The following CUL5 variants were observed in gnomAD, a reference collection of about 807,000 sequenced individuals.
The protein encoded by CUL5 is cullin 5, also known as cullin-5.
A neutral mutation model predicts 108.8 loss-of-function variants in CUL5; 26 were observed. The ratio of observed to expected loss-of-function variants is 0.24; its 90% CI spans 0.18 to 0.33. CUL5 has a LOEUF of 0.33. Ranked by LOEUF, CUL5 falls within the 10% of genes least tolerant of loss-of-function variation. The pLI, the probability that CUL5 is intolerant of heterozygous loss-of-function variation, is 1.00. For synonymous variants in CUL5, 334 were observed against 298.0 expected (o/e 1.12, Z -1.25); for missense variants, 524 against 909.2 (o/e 0.58, Z 5.45).
chr11:108,064,075 G>A (rs1863615537), intron 7 of CUL5, among the ~76,000 whole-genome samples: 1 of 152,130 alleles, frequency 6.6e-6, no homozygotes, highest in Admixed American at 6.5e-5. Flanking sequence ...GAATAAAAGT[G>A]GTGACAGTGG....
intron 10 of CUL5, among the ~76,000 whole-genome samples, chr11:108,074,302 C>G (rs1270257143): frequency 2.7e-5 from 4 of 147,800 alleles, no homozygotes; most frequent in Admixed American, 6.9e-5. Context: ...TCAAGCGATT[C>G]TCCTGCCTCA....
At chr11:108,102,642 CTA>C (rs1864701545) in intron 18 of CUL5, among the ~76,000 whole-genome samples, 1 of 152,080 alleles carries the variant, frequency 6.6e-6, no homozygotes, top group Admixed American at 6.6e-5. Flanking sequence ...GTTATCATAT[CTA>C]TATAGGGGAA....
At chr11:108,055,766 G>T (rs1863361255) in intron 7 of CUL5, among the ~76,000 whole-genome samples, 2 of 152,076 alleles carry the variant, frequency 1.3e-5, no homozygotes, top group African/African-American at 4.8e-5. Flanking sequence ...AAGTAGCTGG[G>T]ACTACAAGCG....
At chr11:108,074,614 G>C (rs1863903261) in intron 10 of CUL5, among the ~76,000 whole-genome samples, 1 of 151,954 alleles carries the variant, frequency 6.6e-6, no homozygotes, top group African/African-American at 2.4e-5. Flanking sequence ...AGATCAGCCT[G>C]ATCAACATGG....
intron 1 of CUL5, among the ~76,000 whole-genome samples, chr11:108,019,148 A>G (rs537785983): frequency 1.9e-3 from 226 of 119,732 alleles, no homozygotes; most frequent in Non-Finnish European, 2.8e-3. Context: ...ATGCTATGCC[A>G]TTTTCTATCA....
intron 11 of CUL5, among the ~76,000 whole-genome samples, chr11:108,080,978 T>G (rs1223116392): frequency 2.7e-5 from 4 of 149,112 alleles, no homozygotes; most frequent in Non-Finnish European, 6.0e-5. Context: ...ATTTATTTAT[T>G]TATTTATTTA....
chr11:108,090,141 C>T (rs1184009187), intron 13 of CUL5, among the ~76,000 whole-genome samples: 1 of 152,058 alleles, frequency 6.6e-6, no homozygotes, highest in Non-Finnish European at 1.5e-5. Flanking sequence ...GTTGTTTCTA[C>T]TGTTTCACTC....
chr11:108,023,418 G>C (rs1452733431), intron 1 of CUL5, among the ~76,000 whole-genome samples: 3 of 151,984 alleles, frequency 2.0e-5, no homozygotes, highest in African/African-American at 4.8e-5. Context: ...GAGTAGTTCA[G>C]ATTTCTACTT....
intron 7 of CUL5, among the ~76,000 whole-genome samples, chr11:108,069,893 A>G (rs184770948): frequency 4.6e-4 from 70 of 152,298 alleles, no homozygotes; most frequent in African/African-American, 1.6e-3. Context: ...GTCTAGTTCT[A>G]TAGTTTTTTT....
intron 7 of CUL5, 140 bp from the exon 8 acceptor site, chr11:108,069,956 A>G (rs972749267): frequency 6.0e-6 from 3 of 496,312 alleles, no homozygotes; most frequent in Non-Finnish European, 1.1e-5. Context: ...CATCTTCAAT[A>G]ATCCTATAGT....
At chr11:108,042,261 C>A (rs1261200021) in intron 2 of CUL5, among the ~76,000 whole-genome samples, 2 of 125,822 alleles carry the variant, frequency 1.6e-5, no homozygotes, top group African/African-American at 6.0e-5. Context: ...GCTCTGTTGT[C>A]CAGGCTGCAG....
intron 11 of CUL5, among the ~76,000 whole-genome samples, chr11:108,086,783 T>A (rs941016873): frequency 5.9e-5 from 9 of 152,190 alleles, no homozygotes. Flanking sequence ...TGATTCTTAC[T>A]GTGGTGCTTT....
At chr11:108,014,896 ATTATTT>A (rs943344105) in intron 1 of CUL5, among the ~76,000 whole-genome samples, 11 of 152,166 alleles carry the variant, frequency 7.2e-5, no homozygotes, top group African/African-American at 1.2e-4. Flanking sequence ...TATTATTATT[ATTATTT>A]TTATTTTTAT....
chr11:108,055,756 A>G (rs1055449784), intron 7 of CUL5, among the ~76,000 whole-genome samples: 19 of 152,010 alleles, frequency 1.2e-4, no homozygotes, highest in African/African-American at 4.6e-4. Flanking sequence ...TCAGCCTCCC[A>G]AGTAGCTGGG....
intron 18 of CUL5, among the ~76,000 whole-genome samples, chr11:108,102,559 C>T (rs145974611): frequency 3.3e-5 from 5 of 151,210 alleles, no homozygotes; most frequent in East Asian, 4.0e-4. Context: ...TCAAACTCCA[C>T]GACTCAAACG....
chr11:108,051,909 T>G (rs529462664), intron 4 of CUL5, among the ~76,000 whole-genome samples: 1 of 152,292 alleles, frequency 6.6e-6, no homozygotes, highest in Non-Finnish European at 1.5e-5. Flanking sequence ...AGAAAGCAGA[T>G]AAATAAGTAA....
intron 4 of CUL5, among the ~76,000 whole-genome samples, 183 bp from the exon 5 acceptor site, chr11:108,052,477 G>T (rs1477106179): frequency 2.6e-5 from 4 of 152,044 alleles, no homozygotes; most frequent in Non-Finnish European, 5.9e-5. Context: ...GCCCAGGCTG[G>T]TCTTGAACTC....
intron 3 of CUL5, 168 bp downstream of exon 3, chr11:108,046,537 AT>A: frequency 1.5e-5 from 8 of 535,326 alleles, no homozygotes; most frequent in African/African-American, 1.9e-5. Context: ...TAGTTGGATT[AT>A]TTTTTTCCCA....
chr11:108,057,442 G>A (rs961712985), intron 7 of CUL5, among the ~76,000 whole-genome samples: 1 of 152,294 alleles, frequency 6.6e-6, no homozygotes, highest in Non-Finnish European at 1.5e-5. Context: ...AGTGATCAAG[G>A]TGAACATCAC....
Sources: allele counts gnomAD v4.1 joint callset (sites outside exome capture counted in the v4.1 genomes callset), GRCh38; gene constraint gnomAD v4.1.1; transcripts MANE v1.5; gene names NCBI Gene and HGNC (gene_info 2026-07-23, HGNC 2026-07-21).